The following ERICH1 variants were observed in gnomAD, a reference collection of about 807,000 sequenced individuals.
ERICH1 encodes glutamate rich 1.
ERICH1 carries 56 observed loss-of-function variants against 39.6 expected under a neutral mutation model. That is an observed-to-expected ratio of 1.41 (90% CI 1.14 to 1.77). The LOEUF is 1.77. ERICH1 is among the 40% of genes most tolerant of loss of function. The probability of loss-of-function intolerance (pLI) is 0.00; values close to 1 mark genes in which losing one functional copy is unlikely to be tolerated. For missense variants in ERICH1, 826 were observed against 575.4 expected (o/e 1.44, Z -4.45); for synonymous variants, 313 against 223.6 (o/e 1.40, Z -3.57).
At chr8:653,125 T>A (rs745851319) in intron 3 of ERICH1, among the ~76,000 whole-genome samples, 15 of 152,326 alleles carry the variant, frequency 9.8e-5, no homozygotes, top group Non-Finnish European at 2.1e-4. Flanking sequence ...AACTGAAAGC[T>A]GGAACTCAAC....
chr8:702,139 T>C (rs1188132952), intron 2 of ERICH1, among the ~76,000 whole-genome samples: 1 of 150,390 alleles, frequency 6.6e-6, no homozygotes, highest in African/African-American at 2.5e-5. Context: ...TGCTGGGCTT[T>C]GAAGCATCTA....
At chr8:625,508 G>A (rs1259320802) in intron 3 of ERICH1, among the ~76,000 whole-genome samples, 1 of 152,168 alleles carries the variant, frequency 6.6e-6, no homozygotes, top group African/African-American at 2.4e-5. Flanking sequence ...TAAAGAGCAC[G>A]GGGTGTCTTG....
Position 715,043 on chromosome 8 carries a change from G to A in ERICH1, c.169+818C>T, listed in dbSNP as rs116336161. Among the ~76,000 whole-genome samples the A allele has an allele frequency of 9.0e-3, 1,368 of 151,984 alleles. 23 individuals are homozygous for A. The highest frequency in any genetic ancestry group is 0.031 in the African/African-American group (1,275 of 41,452). On this transcript the variant is annotated intron_variant, in intron 2 of 5. Coordinates refer to ENST00000262109, the MANE Select transcript of ERICH1 (RefSeq NM_207332.3). ...TCTTACACCCAGGTGGTCTATTCCC[G>A]TGTCTCTCGGTGGGATGTGCCGCAC...
intron 3 of ERICH1, among the ~76,000 whole-genome samples, chr8:652,375 C>T (rs1265741253): frequency 1.3e-5 from 2 of 152,204 alleles, no homozygotes; most frequent in African/African-American, 4.8e-5. Context: ...GGCTCGCAAC[C>T]AAATGCAGAG....
At chr8:696,267 G>A (rs1171267915) in intron 2 of ERICH1, among the ~76,000 whole-genome samples, 2 of 75,532 alleles carry the variant, frequency 2.6e-5, no homozygotes, top group Non-Finnish European at 4.8e-5. Flanking sequence ...CTCCCCATCA[G>A]CCTGCGCTCG....
intron 1 of ERICH1, among the ~76,000 whole-genome samples, chr8:722,419 A>T (rs997469587): frequency 6.6e-6 from 1 of 152,240 alleles, no homozygotes; most frequent in African/African-American, 2.4e-5. Flanking sequence ...TATAATTCTC[A>T]GAAAGGACTG....
At chr8:720,802 T>A (rs764377532) in intron 1 of ERICH1, among the ~76,000 whole-genome samples, 1 of 152,244 alleles carries the variant, frequency 6.6e-6, no homozygotes, top group Middle Eastern at 3.4e-3. Context: ...TAGAACCTAG[T>A]GAAGGAAAAC....
intron 3 of ERICH1, among the ~76,000 whole-genome samples, chr8:658,977 G>A (rs528446295): frequency 1.3e-5 from 2 of 152,186 alleles, no homozygotes; most frequent in Non-Finnish European, 2.9e-5. Context: ...CATCTTGGTA[G>A]GGTCCCCACA....
intron 3 of ERICH1, among the ~76,000 whole-genome samples, chr8:650,559 C>T (rs1799815453): frequency 6.6e-6 from 1 of 152,178 alleles, no homozygotes; most frequent in South Asian, 2.1e-4. Context: ...CGAGGCCGGC[C>T]CCAGACACTG....
At chr8:711,618 C>T (rs1295598603) in intron 2 of ERICH1, among the ~76,000 whole-genome samples, 4 of 152,078 alleles carry the variant, frequency 2.6e-5, no homozygotes, top group Admixed American at 6.5e-5. Context: ...CTGCCTCAGC[C>T]TACCGAGTGG....
chr8:688,056 C>T (rs928191632), intron 3 of ERICH1, among the ~76,000 whole-genome samples: 1 of 152,128 alleles, frequency 6.6e-6, no homozygotes, highest in Non-Finnish European at 1.5e-5. Context: ...CGCGCGGCGG[C>T]GCGCGGTCAA....
rs1799198896 is a variant in ERICH1, at chr8:643,061, AC to A, written c.976+25536del. ...GAAGAGTCCTGTCACATGGATAAGCACCCCGCCCCTCACGGCCCCAGGACAT... is the reference window on the plus strand; with the variant it reads ...GAAGAGTCCTGTCACATGGATAAGCACCCGCCCCTCACGGCCCCAGGACAT... On this transcript the variant is annotated intron_variant, in intron 3 of 3. Coordinates refer to the ERICH1 transcript ENST00000522706. 6.6e-5 allele frequency among the ~76,000 whole-genome samples: 10 copies of A among 151,990 alleles called. No homozygotes were observed. The South Asian group carries it at 2.1e-3, about 32-fold the overall frequency.
intron 3 of ERICH1, among the ~76,000 whole-genome samples, chr8:644,233 G>A (rs372094244): frequency 2.6e-5 from 4 of 152,212 alleles, no homozygotes; most frequent in Middle Eastern, 3.4e-3. Context: ...GTCCTAAGGC[G>A]AGTGCCTGGC....
rs551361301 is a variant in ERICH1, at chr8:649,672, G to C, written c.976+18926C>G. 1.5e-4 allele frequency among the ~76,000 whole-genome samples: 23 copies of C among 152,292 alleles called. No individual in the cohort carries two copies. The East Asian group carries it at 4.5e-3, about 30-fold the overall frequency. ...CTGCAGGAAGGTGGGCTCAGATCAT[G>C]AAGCACTGCCTCCAGGAGGCAGGAG... On this transcript the variant is annotated intron_variant, in intron 3 of 3. Transcript: ENST00000522706.
At position 688,709 on chromosome 8, in the gene ERICH1, T is replaced by A. The variant is rs565937548; in HGVS notation, c.304+3769A>T. On this transcript the variant is annotated intron_variant, in intron 3 of 5. Coordinates refer to ENST00000262109, the MANE Select transcript of ERICH1 (RefSeq NM_207332.3). ...CAGAGAAGTGGGGAAAGGTAGTAAC[T>A]ACCACAAACTGGAGGTCAAAGGAAA... 2.6e-5 allele frequency among the ~76,000 whole-genome samples: 4 copies of A among 152,276 alleles called. No homozygotes were observed. In the East Asian group the frequency reaches 7.7e-4, roughly 29 times the overall value.
At chr8:627,985 C>T (rs550324970) in intron 3 of ERICH1, among the ~76,000 whole-genome samples, 1 of 152,172 alleles carries the variant, frequency 6.6e-6, no homozygotes, top group Admixed American at 6.5e-5. Context: ...CCGGACACTC[C>T]CAGCTCAAGG....
intron 1 of ERICH1, among the ~76,000 whole-genome samples, chr8:730,019 C>G (rs566967094): frequency 6.6e-6 from 1 of 152,092 alleles, no homozygotes; most frequent in African/African-American, 2.4e-5. Context: ...GGCAGCTGAC[C>G]GTCAGGTCTG....
chr8:658,698 CT>C (rs1800992781), intron 3 of ERICH1, among the ~76,000 whole-genome samples: 1 of 152,156 alleles, frequency 6.6e-6, no homozygotes, highest in Non-Finnish European at 1.5e-5. Context: ...GGACAAGACC[CT>C]AGAGATGCCC....
intron 3 of ERICH1, among the ~76,000 whole-genome samples, chr8:675,280 GCGGCGGCCCCTCGGCGAGGACAGAGA>G (rs1196922236): frequency 0.01 from 28 of 2,718 alleles, 5 homozygotes; most frequent in African/African-American, 0.036. Flanking sequence ...GGACAGAGAC[GCGGCGGCCCCTCGGCGAGGACAGAGA>G]CGCGGCGGCC....
Sources: allele counts gnomAD v4.1 joint callset (sites outside exome capture counted in the v4.1 genomes callset), GRCh38; gene constraint gnomAD v4.1.1; transcripts MANE v1.5; gene names NCBI Gene and HGNC (gene_info 2026-07-23, HGNC 2026-07-21).